The following ZNF804A variants were observed in gnomAD, a reference collection of about 807,000 sequenced individuals.
The protein encoded by ZNF804A is zinc finger protein 804A.
ZNF804A carries 2 observed loss-of-function variants against 16.5 expected under a neutral mutation model. That is an observed-to-expected ratio of 0.12 (90% CI 0.05 to 0.38). The LOEUF (loss-of-function observed/expected upper bound fraction) is 0.38. Ranked by LOEUF, ZNF804A falls within the 10% of genes least tolerant of loss-of-function variation. ZNF804A has a pLI of 0.99. For missense variants in ZNF804A, 1,473 were observed against 1,390.7 expected (o/e 1.06, Z -0.94); for synonymous variants, 534 against 489.6 (o/e 1.09, Z -1.20).
In ZNF804A at chr2:184,656,965, T is replaced by C. The variant is rs527518246; in HGVS notation, c.111+57895T>C. 2.6e-5 allele frequency among the ~76,000 whole-genome samples: 4 copies of C among 152,304 alleles called. No individual in the cohort carries two copies. In the South Asian group the frequency reaches 8.3e-4, roughly 32 times the overall value. ...GTAATTTTTTCATTCTAATTTATGT[T>C]TTCCAATTAGGTCTCTGTTTTCAAG... On this transcript the variant is annotated intron_variant, in intron 1 of 3. Coordinates refer to ENST00000302277, the MANE Select transcript of ZNF804A (RefSeq NM_194250.2).
chr2:184,880,227 A>T (rs1430813985), intron 2 of ZNF804A, among the ~76,000 whole-genome samples: 1 of 152,096 alleles, frequency 6.6e-6, no homozygotes, highest in Non-Finnish European at 1.5e-5. Context: ...AAATTATTTA[A>T]GATATTTCAA....
chr2:184,820,154 T>C (rs1006388234), intron 1 of ZNF804A, among the ~76,000 whole-genome samples: 37 of 152,030 alleles, frequency 2.4e-4, no homozygotes, highest in African/African-American at 8.9e-4. Context: ...TGAACATTGA[T>C]GCAAAAATCC....
chr2:184,616,667 T>G (rs1325706658), intron 1 of ZNF804A, among the ~76,000 whole-genome samples: 1 of 152,112 alleles, frequency 6.6e-6, no homozygotes, highest in Admixed American at 6.6e-5. Flanking sequence ...TTCATAAAAT[T>G]TAGTACCCAT....
intron 1 of ZNF804A, among the ~76,000 whole-genome samples, chr2:184,617,637 T>C (rs920231026): frequency 4.6e-5 from 7 of 151,590 alleles, no homozygotes; most frequent in Admixed American, 2.0e-4. Flanking sequence ...TCATCACTGT[T>C]TAGAATTTTT....
At chr2:184,636,445 G>GTA (rs1371228927) in intron 1 of ZNF804A, among the ~76,000 whole-genome samples, 1 of 137,490 alleles carries the variant, frequency 7.3e-6, no homozygotes. Flanking sequence ...GTGTGTGTGT[G>GTA]TGTGTGTGAG....
chr2:184,605,888 A>G (rs1001616653), intron 1 of ZNF804A, among the ~76,000 whole-genome samples: 3 of 152,176 alleles, frequency 2.0e-5, no homozygotes, highest in African/African-American at 7.2e-5. Flanking sequence ...GTATAAGATT[A>G]AGTGGAGTAA....
At chr2:184,867,775 G>A (rs569234242) in intron 2 of ZNF804A, among the ~76,000 whole-genome samples, 1 of 152,012 alleles carries the variant, frequency 6.6e-6, no homozygotes, top group Non-Finnish European at 1.5e-5. Context: ...TGTTACTGAC[G>A]TTTGTTTTAT....
intron 1 of ZNF804A, among the ~76,000 whole-genome samples, chr2:184,673,267 G>C (rs1188262617): frequency 6.6e-6 from 1 of 152,144 alleles, no homozygotes; most frequent in East Asian, 1.9e-4. Flanking sequence ...ATATTCAAAT[G>C]TGTTTAATAA....
At chr2:184,728,235 T>C (rs1330997547) in intron 1 of ZNF804A, among the ~76,000 whole-genome samples, 4 of 151,774 alleles carry the variant, frequency 2.6e-5, no homozygotes, top group African/African-American at 4.8e-5. Flanking sequence ...ATTCCGAATA[T>C]GAACAGGCAT....
intron 2 of ZNF804A, among the ~76,000 whole-genome samples, chr2:184,875,857 C>T (rs1442935962): frequency 6.6e-6 from 1 of 151,248 alleles, no homozygotes; most frequent in African/African-American, 2.4e-5. Context: ...AGTAAAGCCA[C>T]AGTTGCGTCT....
At chr2:184,875,735 G>T (rs961290318) in intron 2 of ZNF804A, among the ~76,000 whole-genome samples, 2 of 149,072 alleles carry the variant, frequency 1.3e-5, no homozygotes, top group Non-Finnish European at 3.0e-5. Context: ...CTCAGTAAAG[G>T]TATGTCACTC....
At chr2:184,790,675 C>T (rs916612386) in intron 1 of ZNF804A, among the ~76,000 whole-genome samples, 2 of 151,982 alleles carry the variant, frequency 1.3e-5, no homozygotes, top group African/African-American at 2.4e-5. Context: ...GTGATCTCGG[C>T]TCACTGCAAG....
chr2:184,804,913 A>G (rs1214712802), intron 1 of ZNF804A, among the ~76,000 whole-genome samples: 1 of 152,216 alleles, frequency 6.6e-6, no homozygotes, highest in Non-Finnish European at 1.5e-5. Context: ...CAGATCTGGA[A>G]TACATAAGAC....
At chr2:184,822,902 T>C (rs1162347746) in intron 1 of ZNF804A, among the ~76,000 whole-genome samples, 2 of 152,190 alleles carry the variant, frequency 1.3e-5, no homozygotes, top group East Asian at 3.9e-4. Flanking sequence ...GAAAATGTTA[T>C]TTTTTTGTCC....
chr2:184,652,132 T>G (rs552416069), intron 1 of ZNF804A, among the ~76,000 whole-genome samples: 21 of 152,296 alleles, frequency 1.4e-4, no homozygotes, highest in South Asian at 6.2e-4. Context: ...CAAGTTTTTT[T>G]GCAGCAACAT....
chr2:184,787,342 A>G (rs1346355457), intron 1 of ZNF804A, among the ~76,000 whole-genome samples: 2 of 151,858 alleles, frequency 1.3e-5, no homozygotes, highest in Admixed American at 1.3e-4. Flanking sequence ...TCTTTTATAT[A>G]ATGGATTCTT....
At chr2:184,627,085 A>G (rs1370437978) in intron 1 of ZNF804A, among the ~76,000 whole-genome samples, 1 of 152,208 alleles carries the variant, frequency 6.6e-6, no homozygotes, top group African/African-American at 2.4e-5. Context: ...GAAACAAAAT[A>G]CATGTATTAA....
intron 1 of ZNF804A, among the ~76,000 whole-genome samples, chr2:184,762,536 C>T (rs1025365462): frequency 6.6e-6 from 1 of 151,792 alleles, no homozygotes; most frequent in Admixed American, 6.6e-5. Context: ...CTCTCTGTTA[C>T]TTATATTTGA....
intron 1 of ZNF804A, among the ~76,000 whole-genome samples, chr2:184,653,684 T>C (rs972530504): frequency 6.6e-6 from 1 of 152,214 alleles, no homozygotes; most frequent in Non-Finnish European, 1.5e-5. Flanking sequence ...CATGGTGGCC[T>C]GTGAGCACTT....
Sources: allele counts gnomAD v4.1 joint callset (sites outside exome capture counted in the v4.1 genomes callset), GRCh38; gene constraint gnomAD v4.1.1; transcripts MANE v1.5; gene names NCBI Gene and HGNC (gene_info 2026-07-23, HGNC 2026-07-21).